The following DTX1 variants were observed in gnomAD, a reference collection of about 807,000 sequenced individuals.
The protein encoded by DTX1 is deltex E3 ubiquitin ligase 1.
A neutral mutation model predicts 57.8 loss-of-function variants in DTX1; 26 were observed. The ratio of observed to expected loss-of-function variants is 0.45; its 90% CI spans 0.33 to 0.62. The LOEUF (loss-of-function observed/expected upper bound fraction) is 0.62, where lower values mean the gene tolerates loss of function less well. Among genes scored for constraint, DTX1 ranks in the 20% least tolerant of loss-of-function variants. The probability of loss-of-function intolerance (pLI) is 0.02; values close to 1 mark genes in which losing one functional copy is unlikely to be tolerated. For synonymous variants in DTX1, 398 were observed against 394.1 expected, an observed-to-expected ratio of 1.01 and a Z score of -0.12; for missense variants, 704 against 895.3, an observed-to-expected ratio of 0.79 and a Z score of 2.73.
rs144113606 is a variant in DTX1, at chr12:113,096,791, C to T, written c.1715C>T (p.Ser572Leu). The change falls in exon 10 of 10, where the codon TCG becomes TTG. Residue 572 changes from serine (S) to leucine (L), a missense_variant. This residue lies in a region of DTX1 where 168 missense variants were observed against 255.6 expected (regional missense o/e 0.66). Coordinates refer to ENST00000548759, the MANE Select transcript of DTX1 (RefSeq NM_004416.3). The stretch of plus-strand genomic sequence containing the variant: ...GGCACGTCCAACACCACGGGCGAGT[C>T]GGACACCGTGGTGTGGAACGAGATC... ...TIGTSNTTGE[S>L]DTVVWNEIHH... is the part of the protein sequence containing the mutation. 21 of 1,613,690 alleles carry T rather than the reference C, an allele frequency of 1.3e-5. No individual in the cohort carries two copies. In the Admixed American group the frequency reaches 2.7e-4, roughly 20 times the overall value.
At chr12:113,067,573 C>G (rs1224380293) in intron 2 of DTX1, among the ~76,000 whole-genome samples, 1 of 152,214 alleles carries the variant, frequency 6.6e-6, no homozygotes, top group East Asian at 1.9e-4. Flanking sequence ...GTCTTGCTCT[C>G]CAGTGCCTGG....
chr12:113,086,505 G>A (rs2044858444), intron 3 of DTX1, among the ~76,000 whole-genome samples: 1 of 152,168 alleles, frequency 6.6e-6, no homozygotes, highest in Admixed American at 6.5e-5. Context: ...GGAACCAGCA[G>A]GGCTGTGTGT....
intron 2 of DTX1, among the ~76,000 whole-genome samples, chr12:113,070,957 C>T (rs2044734504): frequency 6.6e-6 from 1 of 152,248 alleles, no homozygotes; most frequent in Admixed American, 6.5e-5. Flanking sequence ...AAGGAGAGTG[C>T]TGAGTGCAGC....
chr12:113,093,793 T>A lies in DTX1; in HGVS notation c.1165+93T>A. ...CCTGGTCTCCAACTTATTCTTAGCA[T>A]TTACTACCTCACCTCCATTGCCTGA... is the stretch of plus-strand genomic sequence containing the variant. On this transcript the variant is annotated intron_variant, in intron 5 of 9. Transcript: ENST00000548759. This position sits in a 1 kb window ranked among gnomAD's most constrained non-coding sequence, Gnocchi z 4.2. The A allele has an allele frequency of 6.5e-7, 1 of 1,546,748 alleles. No individual in the cohort carries two copies. The highest frequency in any genetic ancestry group is 8.8e-7 in the Non-Finnish European group (1 of 1,139,710).
chr12:113,090,898 G>A (rs1170931686), intron 3 of DTX1, among the ~76,000 whole-genome samples: 1 of 152,230 alleles, frequency 6.6e-6, no homozygotes, highest in Non-Finnish European at 1.5e-5. Context: ...GTGCGCATGT[G>A]TCCTCGTGTG....
chr12:113,074,236 T>C (rs2044755774), intron 2 of DTX1, among the ~76,000 whole-genome samples: 1 of 151,928 alleles, frequency 6.6e-6, no homozygotes, highest in Admixed American at 6.5e-5. Flanking sequence ...CTCATATATA[T>C]ATATAGTCAG....
chr12:113,078,385 T>C (rs35476554), intron 3 of DTX1, among the ~76,000 whole-genome samples: 28,001 of 152,148 alleles, frequency 0.18, 3,028 homozygotes, highest in Middle Eastern at 0.35. Context: ...GATCAGACAG[T>C]TCACAAGTGA....
chr12:113,093,201 GC>G lies in DTX1; in HGVS notation c.983del (p.Pro328ArgfsTer9). The stretch of plus-strand genomic sequence containing the variant: ...CGGTGAAGAACTTGAATGGTACTGG[GC>G]CGGTCCATCCGGCCCTGGCAGGTGA... ...LPVKNLNGTG[P>X]VHPALAGMTG... On this transcript the variant is annotated frameshift_variant, in exon 4 of 10. Transcript: ENST00000548759. LOFTEE classifies it high-confidence loss of function. This position sits in a 1 kb window ranked among gnomAD's most constrained non-coding sequence, Gnocchi z 4.2. 1 of 1,598,632 alleles carries G rather than the reference GC, an allele frequency of 6.3e-7. No homozygotes were observed. The highest frequency in any genetic ancestry group is 8.5e-7 in the Non-Finnish European group (1 of 1,173,204).
chr12:113,096,705 G>A lies in DTX1; in HGVS notation c.1639-10G>A. On this transcript the variant is annotated splice_polypyrimidine_tract_variant and intron_variant, in intron 9 of 9. Transcript: ENST00000548759. ...CTCCTCCCGGCCCCACTGTGTCCCT[G>A]TCCCCCCAGGTGCTGCGGCTGCTCA... 1 of 1,607,072 alleles carries A rather than the reference G, an allele frequency of 6.2e-7. No homozygotes were observed.
Position 113,077,963 on chromosome 12 carries a change from G to T in DTX1, c.799G>T (p.Ala267Ser). The part of the protein sequence containing the change: ...ALWAAPAAGP[A>S]EPAPPPGAPP... The stretch of plus-strand genomic sequence containing the variant: ...CTGGGCAGCGCCCGCCGCCGGCCCC[G>T]CCGAGCCCGCGCCGCCTCCCGGGGC... The change falls in exon 3 of 10, where the codon GCC becomes TCC. Residue 267 changes from alanine to serine, a missense_variant. Around this residue, in one of 3 missense-constraint regions of DTX1, gnomAD observed 299 missense variants for 311.2 expected, o/e 0.96. Transcript: ENST00000548759. The surrounding 1 kb of genome is among the most constrained non-coding windows in gnomAD (Gnocchi z 7.8). 3 of 1,012,292 alleles carry T rather than the reference G, an allele frequency of 3.0e-6. No homozygotes were observed. Among genetic ancestry groups the T allele is most frequent in the Non-Finnish European group, 2.4e-6 (2 of 849,444 alleles). The allele number at this position is 1,012,292 out of a possible 1,614,324, so 62.7% of individuals were successfully genotyped here.
chr12:113,093,386 AGGCCCTTCAG>A lies in DTX1; in HGVS notation c.1004-150_1004-141del. ...CACAGGGCGGGCGTGGCCCGCAGAA[AGGCCCTTCAG>A]GGGCCTTCAAGGGGCTGAGTGGGTG... On this transcript the variant is annotated intron_variant, in intron 4 of 9. Transcript: ENST00000548759. The surrounding 1 kb of genome is among the most constrained non-coding windows in gnomAD (Gnocchi z 4.2). 24 of 1,333,214 alleles carry A rather than the reference AGGCCCTTCAG, an allele frequency of 1.8e-5. No homozygotes were observed. Among genetic ancestry groups the A allele is most frequent in the Non-Finnish European group, 2.4e-5 (24 of 1,000,438 alleles). 82.6% of individuals were successfully genotyped at this position (1,333,214 alleles called of 1,614,324 possible).
rs1566021867 is a variant in DTX1 at position 113,094,927 on chromosome 12, A to C, written c.1366A>C (p.Met456Leu). 6.2e-7 allele frequency: 1 copy of C among 1,613,210 alleles called. No homozygotes were observed. The highest frequency in any genetic ancestry group is 8.5e-7 in the Non-Finnish European group (1 of 1,179,634). ...GTACCACCTGCTGTGCCTCGTGGCCATGTACTCCAATGGCAACAAGGTGGG... is the reference window on the plus strand; with the variant it reads ...GTACCACCTGCTGTGCCTCGTGGCCCTGTACTCCAATGGCAACAAGGTGGG... ...HMYHLLCLVAMYSNGNKDGSL... is the reference protein window; with the variant it reads ...HMYHLLCLVALYSNGNKDGSL... The change falls in exon 7 of 10, where the codon ATG becomes CTG. Residue 456 changes from methionine (M) to leucine (L), a missense_variant. By Grantham distance (15) the Met-to-Leu change is conservative. Around this residue, in one of 3 missense-constraint regions of DTX1, gnomAD observed 168 missense variants for 255.6 expected, o/e 0.66. Coordinates refer to ENST00000548759, the MANE Select transcript of DTX1 (RefSeq NM_004416.3).
At chr12:113,068,600 T>TA (rs1160834616) in intron 2 of DTX1, among the ~76,000 whole-genome samples, 1 of 152,144 alleles carries the variant, frequency 6.6e-6, no homozygotes, top group Admixed American at 6.5e-5. Context: ...TTGGTGTGGT[T>TA]AGAGTGTGAG....
At chr12:113,067,237 T>C (rs948310958) in intron 2 of DTX1, among the ~76,000 whole-genome samples, 2 of 151,596 alleles carry the variant, frequency 1.3e-5, no homozygotes, top group Non-Finnish European at 2.9e-5. Context: ...CAGAGCACGG[T>C]AAGAGGAAGC....
At chr12:113,079,837 G>A (rs1170512301) in intron 3 of DTX1, among the ~76,000 whole-genome samples, 3 of 151,952 alleles carry the variant, frequency 2.0e-5, no homozygotes, top group Admixed American at 2.0e-4. Flanking sequence ...GGGATTACAG[G>A]CATGAGCCAC....
intron 3 of DTX1, among the ~76,000 whole-genome samples, chr12:113,086,990 C>A (rs1311488263): frequency 6.6e-6 from 1 of 151,496 alleles, no homozygotes; most frequent in Non-Finnish European, 1.5e-5. Flanking sequence ...CCTGTCTGCA[C>A]GTGGCTGCCC....
rs538464331 is a variant in DTX1 at position 113,081,687 on chromosome 12, C to T, written c.941+3582C>T. On this transcript the variant is annotated intron_variant, in intron 3 of 9. Coordinates refer to ENST00000548759, the MANE Select transcript of DTX1 (RefSeq NM_004416.3). ...CAGCATGAACAACTTCAAGGGGGCTCGAAGGGCGTGGTGTGTTCAGGGAAG... is the reference window on the plus strand; with the variant it reads ...CAGCATGAACAACTTCAAGGGGGCTTGAAGGGCGTGGTGTGTTCAGGGAAG... 5.3e-5 allele frequency among the ~76,000 whole-genome samples: 8 copies of T among 152,034 alleles called. 1 individual carries two copies. The East Asian group carries it at 1.4e-3, about 26-fold the overall frequency.
Position 113,097,216 on chromosome 12 carries a change from T to G in DTX1, c.*277T>G. 1 of 445,610 alleles carries G rather than the reference T, an allele frequency of 2.2e-6. No homozygotes were observed. The highest frequency in any genetic ancestry group is 4.1e-6 in the Non-Finnish European group (1 of 243,776). 27.6% of individuals were successfully genotyped at this position (445,610 alleles called of 1,614,324 possible). On this transcript the variant is annotated 3_prime_UTR_variant, in exon 10 of 10. Transcript: ENST00000548759. ...CCGCCCCCTCACACACAAACACACA[T>G]GTCCTGTTGAACTCATGCACGCACA...
At position 113,093,311 on chromosome 12, in the gene DTX1, G is replaced by A. The variant is rs1029572807; in HGVS notation, c.1003+88G>A. The A allele has an allele frequency of 2.1e-4, 302 of 1,469,338 alleles. No homozygotes were observed. The highest frequency in any genetic ancestry group is 2.6e-4 in the Non-Finnish European group (285 of 1,082,918). The allele number at this position is 1,469,338 out of a possible 1,614,324, so 91.0% of individuals were successfully genotyped here. The stretch of plus-strand genomic sequence containing the variant: ...ACCCGGTGACCCCGCCCCCGAGATG[G>A]GCTGGTGAGCGTGGCCCGGAGGAAA... On this transcript the variant is annotated intron_variant, in intron 4 of 9. Transcript: ENST00000548759. The surrounding 1 kb of genome is among the most constrained non-coding windows in gnomAD (Gnocchi z 4.2).
Sources: allele counts gnomAD v4.1 joint callset (sites outside exome capture counted in the v4.1 genomes callset), GRCh38; gene constraint gnomAD v4.1.1; regional missense constraint gnomAD v4.1.1; non-coding constraint Gnocchi (gnomAD v3.1); transcripts MANE v1.5; gene names NCBI Gene and HGNC (gene_info 2026-07-23, HGNC 2026-07-21).